The following CREB3L3 variants were observed in gnomAD, a reference collection of about 807,000 sequenced individuals.
CREB3L3 encodes cyclic AMP-responsive element-binding protein 3-like protein 3.
Under a neutral mutation model 44.6 loss-of-function variants are expected in CREB3L3, and 40 were observed. The ratio of observed to expected loss-of-function variants is 0.90; its 90% CI spans 0.70 to 1.17. CREB3L3 has a LOEUF of 1.17. Among genes scored for constraint, CREB3L3 ranks in the 50% most tolerant of loss-of-function variants. CREB3L3 has a pLI of 0.00. For synonymous variants in CREB3L3, 273 were observed against 256.3 expected (o/e 1.06, Z -0.62); for missense variants, 578 against 595.8 (o/e 0.97, Z 0.31).
chr19:4,155,876 TA>T (rs2145117296), intron 2 of CREB3L3, among the ~76,000 whole-genome samples: 1 of 151,370 alleles, frequency 6.6e-6, no homozygotes, highest in East Asian at 2.0e-4. Flanking sequence ...ACTTCCCGAG[TA>T]GCTGGGATTA....
At chr19:4,163,520 G>A (rs2041688438) in intron 4 of CREB3L3, among the ~76,000 whole-genome samples, 1 of 152,106 alleles carries the variant, frequency 6.6e-6, no homozygotes, top group South Asian at 2.1e-4. Flanking sequence ...TGTGGTGGCA[G>A]GAGTGATAGT....
chr19:4,170,122 G>A lies in CREB3L3; in HGVS notation c.822-18G>A. On this transcript the variant is annotated intron_variant, in intron 6 of 9. Transcript: ENST00000078445. ...TGACTGGCATATGCTGAATGTCGAT[G>A]CGTCTTCCTCCTTTCAGGATGTCAG... The A allele has an allele frequency of 6.2e-7, 1 of 1,613,684 alleles. No individual in the cohort carries two copies. Among genetic ancestry groups the A allele is most frequent in the East Asian group, 2.2e-5 (1 of 44,870 alleles).
intron 1 of CREB3L3, 145 bp downstream of exon 1, chr19:4,153,919 C>A: frequency 2.0e-6 from 2 of 1,000,090 alleles, no homozygotes; most frequent in Non-Finnish European, 1.5e-6. Context: ...ATGAGCAAAA[C>A]TGTGTGCCTT....
In CREB3L3 at chr19:4,168,429, A is replaced by G; in HGVS notation, c.793A>G (p.Lys265Glu). Residue 265 changes from lysine (K) to glutamate (E), a missense_variant, in exon 6 of 10, where the codon AAG (lysine) becomes GAG (glutamate). Coordinates refer to ENST00000078445, the MANE Select transcript of CREB3L3 (RefSeq NM_032607.3). The stretch of plus-strand genomic sequence containing the variant: ...GGCGCAAGAAAGCAGGAAGAAGAAG[A>G]AGGAATATATCGATGGCCTGGAGAC... ...QSAQESRKKK[K>E]EYIDGLETRM... The G allele has an allele frequency of 1.2e-6, 2 of 1,610,610 alleles. No homozygotes were observed. The highest frequency in any genetic ancestry group is 4.5e-5 in the East Asian group (2 of 44,670).
At position 4,170,910 on chromosome 19, in the gene CREB3L3, A is replaced by AAAAT. The variant is rs1162606854; in HGVS notation, c.891-161_891-158dup. Reference sequence around the variant, plus strand: ...GGGCGATGGAGCAAGACTCTGTCTCAAAATAAATAAATAAATAAATAAACA... The same window carrying AAAAT: ...GGGCGATGGAGCAAGACTCTGTCTCAAAATAAATAAATAAATAAATAAATAAACA... On this transcript the variant is annotated intron_variant, in intron 7 of 9. Transcript: ENST00000078445. Among the ~76,000 whole-genome samples the AAAAT allele has an allele frequency of 9.3e-5, 13 of 140,204 alleles. No homozygotes were observed. The South Asian group carries it at 1.1e-3, about 12-fold the overall frequency. 92.0% of individuals were successfully genotyped at this position (140,204 alleles called of 152,430 possible). A position where few individuals can be genotyped will look rare whatever the true frequency, so the allele number is the denominator to read the frequency against.
intron 3 of CREB3L3, 49 bp downstream of exon 3, chr19:4,157,344 C>A: frequency 6.3e-6 from 10 of 1,596,250 alleles, no homozygotes; most frequent in Non-Finnish European, 8.6e-6. Context: ...GTTCCAGGGC[C>A]CTTCCTGTAA....
rs1967065983 is a variant in CREB3L3 at position 4,172,141 on chromosome 19, G to A, written c.*172G>A. 6 of 703,420 alleles carry A rather than the reference G, an allele frequency of 8.5e-6. No individual in the cohort carries two copies. Among genetic ancestry groups the A allele is most frequent in the South Asian group, 7.7e-5 (4 of 51,864 alleles). The allele number at this position is 703,420 out of a possible 1,614,324, so 43.6% of individuals were successfully genotyped here. A position where few individuals can be genotyped will look rare whatever the true frequency, so the allele number is the denominator to read the frequency against. On this transcript the variant is annotated 3_prime_UTR_variant, in exon 10 of 10. Coordinates refer to ENST00000078445, the MANE Select transcript of CREB3L3 (RefSeq NM_032607.3). Reference sequence around the variant, plus strand: ...CACCCAGGGCCTGACTGAGGCCCACGCAGGAACCGACACTCAGACACAAGG... The same window carrying A: ...CACCCAGGGCCTGACTGAGGCCCACACAGGAACCGACACTCAGACACAAGG...
chr19:4,167,937 C>G (rs1274814091), intron 5 of CREB3L3, among the ~76,000 whole-genome samples: 16 of 151,518 alleles, frequency 1.1e-4, no homozygotes, highest in Admixed American at 1.1e-3. Context: ...TCGCACCATC[C>G]CCAAAGTGAA....
chr19:4,157,172 G>T lies in CREB3L3; in HGVS notation c.334G>T (p.Gly112Cys). ...PRSGPATSPA[G>C]CHPAQPGKGP... ...CAGCGGACCAGCCACCTCCCCCGCC[G>T]GCTGCCATCCTGCCCAGCCTGGCAA... The change falls in exon 3 of 10, where the codon GGC becomes TGC. Residue 112 changes from glycine (G) to cysteine (C), a missense_variant. Coordinates refer to ENST00000078445, the MANE Select transcript of CREB3L3 (RefSeq NM_032607.3). 1.2e-6 allele frequency: 2 copies of T among 1,613,812 alleles called. No individual in the cohort carries two copies. The highest frequency in any genetic ancestry group is 1.7e-6 in the Non-Finnish European group (2 of 1,179,946).
At chr19:4,155,652 G>A (rs576340177) in intron 2 of CREB3L3, among the ~76,000 whole-genome samples, 7 of 151,646 alleles carry the variant, frequency 4.6e-5, no homozygotes, top group East Asian at 3.9e-4. Context: ...CACCGCGCCC[G>A]GCCCACTTTC....
At chr19:4,161,553 GA>G (rs1238065889) in intron 4 of CREB3L3, among the ~76,000 whole-genome samples, 2 of 152,156 alleles carry the variant, frequency 1.3e-5, no homozygotes, top group African/African-American at 4.8e-5. Context: ...CACACCAATT[GA>G]AGGCCATCTA....
At position 4,171,526 on chromosome 19, in the gene CREB3L3, C is replaced by T. The variant is rs769297140; in HGVS notation, c.1072+47C>T. ...AACCCTTGTCTGGTCTCCCCAAGTCCCCGTCCTGGGCCTCTGGGGGAGGGG... is the reference window on the plus strand; with the variant it reads ...AACCCTTGTCTGGTCTCCCCAAGTCTCCGTCCTGGGCCTCTGGGGGAGGGG... On this transcript the variant is annotated intron_variant, in intron 9 of 9. Coordinates refer to ENST00000078445, the MANE Select transcript of CREB3L3 (RefSeq NM_032607.3). This position sits in a 1 kb window ranked among gnomAD's most constrained non-coding sequence, Gnocchi z 4.9. 5 of 1,607,266 alleles carry T rather than the reference C, an allele frequency of 3.1e-6. No individual in the cohort carries two copies. Among genetic ancestry groups the T allele is most frequent in the Non-Finnish European group, 4.3e-6 (5 of 1,174,046 alleles).
chr19:4,156,113 CTCTCT>C (rs1318628018), intron 2 of CREB3L3, among the ~76,000 whole-genome samples: 22 of 135,818 alleles, frequency 1.6e-4, no homozygotes, highest in Non-Finnish European at 3.0e-4. Flanking sequence ...CTCTCTCTCT[CTCTCT>C]CCCCCCCTCT....
chr19:4,156,824 G>A (rs2041586330), intron 2 of CREB3L3, among the ~76,000 whole-genome samples, 171 bp from the exon 3 acceptor site: 1 of 151,876 alleles, frequency 6.6e-6, no homozygotes, highest in South Asian at 2.1e-4. Flanking sequence ...TTTATGCTAT[G>A]TTACTGCGTT....
chr19:4,159,154 C>CT (rs34399566), intron 3 of CREB3L3, among the ~76,000 whole-genome samples: 7,284 of 143,984 alleles, frequency 0.051, 581 homozygotes, highest in African/African-American at 0.17. Context: ...GGGTCCCCAT[C>CT]TTTTTTTTTT....
At chr19:4,159,618 C>T (rs759669118) in intron 3 of CREB3L3, 46 bp from the exon 4 acceptor site, 1 of 884,824 alleles carries the variant, frequency 1.1e-6, no homozygotes, top group East Asian at 2.4e-5. Context: ...CAGGACTCCC[C>T]CCGTCTGACA....
At chr19:4,153,907 C>T in intron 1 of CREB3L3, 133 bp downstream of exon 1, 1 of 1,075,564 alleles carries the variant, frequency 9.3e-7, no homozygotes, top group Non-Finnish European at 1.4e-6. Context: ...AGAAAGGATG[C>T]AATGAGCAAA....
intron 7 of CREB3L3, among the ~76,000 whole-genome samples, chr19:4,170,438 C>A (rs530035855): frequency 6.6e-6 from 1 of 151,814 alleles, no homozygotes; most frequent in Non-Finnish European, 1.5e-5. Flanking sequence ...GGTGAAACCC[C>A]GTCTCTACTA....
At chr19:4,158,374 G>A (rs1208520030) in intron 3 of CREB3L3, among the ~76,000 whole-genome samples, 1 of 151,974 alleles carries the variant, frequency 6.6e-6, no homozygotes, top group Admixed American at 6.6e-5. Context: ...GGGGCCACCT[G>A]TAGTCCCAGC....
Sources: allele counts gnomAD v4.1 joint callset (sites outside exome capture counted in the v4.1 genomes callset), GRCh38; gene constraint gnomAD v4.1.1; non-coding constraint Gnocchi (gnomAD v3.1); transcripts MANE v1.5; gene names NCBI Gene and HGNC (gene_info 2026-07-23, HGNC 2026-07-21).